Variants in ADAMTS17 observed in about 807,000 individuals in gnomAD.
The protein encoded by ADAMTS17 is ADAM metallopeptidase with thrombospondin type 1 motif 17.
ADAMTS17 carries 113 observed loss-of-function variants against 141.5 expected under a neutral mutation model. The observed-to-expected ratio is 0.80, with a 90% confidence interval of 0.69 to 0.93. The LOEUF (loss-of-function observed/expected upper bound fraction) is 0.93, where lower values mean the gene tolerates loss of function less well. Ranked by LOEUF, ADAMTS17 falls within the 40% of genes least tolerant of loss-of-function variation. The pLI is 0.00. For missense variants in ADAMTS17, 1,659 were observed against 1,517.9 expected (o/e 1.09, Z -1.54); for synonymous variants, 768 against 630.6 (o/e 1.22, Z -3.27).
At chr15:100,224,152 A>C (rs1208188049) in intron 7 of ADAMTS17, among the ~76,000 whole-genome samples, 1 of 152,144 alleles carries the variant, frequency 6.6e-6, no homozygotes, top group African/African-American at 2.4e-5. Flanking sequence ...CCACACAGAC[A>C]CACCCAGGAT....
chr15:99,979,849 T>C (rs1055049495), intron 20 of ADAMTS17: 8 of 152,268 alleles, frequency 5.3e-5, no homozygotes, highest in African/African-American at 1.9e-4. Context: ...AATATGAATG[T>C]ATAACTACAT....
At chr15:100,111,845 A>G (rs995903199) in intron 13 of ADAMTS17, among the ~76,000 whole-genome samples, 1 of 152,234 alleles carries the variant, frequency 6.6e-6, no homozygotes, top group Non-Finnish European at 1.5e-5. Context: ...ACATGCATAC[A>G]GGGCTCACAG....
intron 3 of ADAMTS17, among the ~76,000 whole-genome samples, chr15:100,302,784 A>T: frequency 6.6e-6 from 1 of 152,118 alleles, no homozygotes; most frequent in South Asian, 2.1e-4. Flanking sequence ...CTGTGAGAGT[A>T]TTGCCACAGG....
chr15:100,263,249 T>C (rs1214842856), intron 4 of ADAMTS17, among the ~76,000 whole-genome samples: 2 of 152,122 alleles, frequency 1.3e-5, no homozygotes, highest in East Asian at 3.9e-4. Flanking sequence ...CCACCAAGGC[T>C]GGCATCTCCA....
intron 15 of ADAMTS17, among the ~76,000 whole-genome samples, chr15:100,090,566 T>C (rs1427439506): frequency 2.0e-5 from 3 of 152,172 alleles, no homozygotes; most frequent in Admixed American, 6.5e-5. Context: ...TCTTTTCTCA[T>C]GTGCCCCTGG....
intron 3 of ADAMTS17, among the ~76,000 whole-genome samples, chr15:100,303,309 T>C (rs973665724): frequency 6.6e-6 from 1 of 151,022 alleles, no homozygotes; most frequent in Non-Finnish European, 1.5e-5. Flanking sequence ...TTGAAGTCAA[T>C]GTCATTCTAT....
intron 18 of ADAMTS17, among the ~76,000 whole-genome samples, chr15:100,032,639 T>A (rs924002803): frequency 7.2e-5 from 11 of 152,214 alleles, no homozygotes; most frequent in African/African-American, 2.7e-4. Context: ...GCTGCCTTGG[T>A]CAAAAGGGTT....
Position 100,281,376 on chromosome 15 carries a change from C to A in ADAMTS17, c.642G>T (p.Arg214Ser). The A allele has an allele frequency of 6.2e-7, 1 of 1,612,636 alleles. No homozygotes were observed. Among genetic ancestry groups the A allele is most frequent in the Non-Finnish European group, 8.5e-7 (1 of 1,179,934 alleles). Residue 214 changes from arginine (R) to serine (S), a missense_variant, in exon 4 of 22, where the codon AGG becomes AGT. Coordinates refer to ENST00000268070, the MANE Select transcript of ADAMTS17 (RefSeq NM_139057.4). ...LTEKKKPTWG[R>S]PSRDWRERRN... ...TCCGCTCCCGCCAGTCCCGCGAAGG[C>A]CTGCCCCACGTCGGCTTCTTCTTTT... is the stretch of plus-strand genomic sequence containing the variant.
At chr15:100,278,268 G>T (rs1405300385) in intron 4 of ADAMTS17, among the ~76,000 whole-genome samples, 1 of 151,334 alleles carries the variant, frequency 6.6e-6, no homozygotes, top group Non-Finnish European at 1.5e-5. Context: ...AGGCCACTGA[G>T]CTGGTCCACA....
intron 3 of ADAMTS17, among the ~76,000 whole-genome samples, chr15:100,285,557 C>T (rs912768294): frequency 5.3e-5 from 8 of 152,226 alleles, no homozygotes; most frequent in African/African-American, 1.9e-4. Flanking sequence ...CTTTCTGCTA[C>T]ACAAGAAGAA....
At chr15:100,043,663 A>T (rs912679962) in intron 18 of ADAMTS17, among the ~76,000 whole-genome samples, 5 of 152,248 alleles carry the variant, frequency 3.3e-5, no homozygotes, top group African/African-American at 1.2e-4. Flanking sequence ...AAGGATTATG[A>T]CTCAAAATAC....
intron 15 of ADAMTS17, among the ~76,000 whole-genome samples, chr15:100,064,917 C>G (rs1297536274): frequency 6.6e-6 from 1 of 152,176 alleles, no homozygotes; most frequent in Non-Finnish European, 1.5e-5. Flanking sequence ...AGATGAGGAT[C>G]TCAACTTAGA....
chr15:100,173,188 T>A (rs965748703), intron 8 of ADAMTS17, among the ~76,000 whole-genome samples: 4 of 152,168 alleles, frequency 2.6e-5, no homozygotes, highest in Non-Finnish European at 2.9e-5. Flanking sequence ...TTTAATTATT[T>A]TTTTTCTTTT....
chr15:100,232,563 C>T (rs114194442), intron 7 of ADAMTS17, among the ~76,000 whole-genome samples: 294 of 152,354 alleles, frequency 1.9e-3, no homozygotes, highest in African/African-American at 6.7e-3. Flanking sequence ...ATCGGCTATT[C>T]CCTTCCCCTC....
intron 15 of ADAMTS17, among the ~76,000 whole-genome samples, chr15:100,077,017 A>C (rs1293900489): frequency 6.6e-6 from 1 of 152,154 alleles, no homozygotes; most frequent in Non-Finnish European, 1.5e-5. Flanking sequence ...AAGAAACAAC[A>C]CTGTATCATA....
chr15:100,034,882 G>A (rs911198091), intron 18 of ADAMTS17, among the ~76,000 whole-genome samples: 4 of 152,170 alleles, frequency 2.6e-5, no homozygotes, highest in African/African-American at 9.7e-5. Context: ...CCTTCCCAGT[G>A]CAATGCCCTT....
rs937324829 is a variant in ADAMTS17, at chr15:100,341,266, G to T, written c.223C>A (p.Arg75=). The T allele has an allele frequency of 5.5e-6, 7 of 1,262,122 alleles. No individual in the cohort carries two copies. The African/African-American group carries it at 7.9e-5, about 14-fold the overall frequency. The allele number at this position is 1,262,122 out of a possible 1,614,324, so 78.2% of individuals were successfully genotyped here. ...AGCAGCAGGGCGCGCTCTCCGGGCC[G>T]GGCGCGCGGGGCGGCTGGGGGCGTG... ...PRTPPAAPRA[R]PGERALLLHL... Residue 75 remains arginine, a synonymous_variant, in exon 2 of 22, where the codon CGG becomes AGG. Coordinates refer to ENST00000268070, the MANE Select transcript of ADAMTS17 (RefSeq NM_139057.4).
intron 15 of ADAMTS17, among the ~76,000 whole-genome samples, chr15:100,067,744 T>C (rs969549181): frequency 6.6e-6 from 1 of 152,160 alleles, no homozygotes; most frequent in African/African-American, 2.4e-5. Flanking sequence ...CGTTTATTAA[T>C]TTGTACAAAA....
At chr15:100,211,134 AT>A (rs2041792391) in intron 7 of ADAMTS17, among the ~76,000 whole-genome samples, 1 of 149,582 alleles carries the variant, frequency 6.7e-6, no homozygotes, top group African/African-American at 2.5e-5. Context: ...AAATAAATAA[AT>A]AAATAAAAAT....
Sources: gnomAD v4.1 joint callset for allele counts (sites outside exome capture counted in the v4.1 genomes callset) on GRCh38, gnomAD v4.1.1 for gene constraint, MANE v1.5 for transcripts, NCBI Gene and HGNC (gene_info 2026-07-23, HGNC 2026-07-21) for gene names.